The following ADK variants were observed in gnomAD, a reference collection of about 807,000 sequenced individuals.
ADK encodes the protein adenosine kinase.
A neutral mutation model predicts 44.7 loss-of-function variants in ADK; 24 were observed. The observed-to-expected ratio is 0.54, with a 90% confidence interval of 0.39 to 0.76. The LOEUF (loss-of-function observed/expected upper bound fraction) is 0.76. Ranked by LOEUF, ADK falls within the 30% of genes least tolerant of loss-of-function variation. The pLI is 0.00. For synonymous variants in ADK, 128 were observed against 142.6 expected (o/e 0.90, Z 0.73); for missense variants, 321 against 425.1 (o/e 0.76, Z 2.15).
chr10:74,559,963 G>C (rs888772608), intron 7 of ADK, among the ~76,000 whole-genome samples: 1 of 150,350 alleles, frequency 6.7e-6, no homozygotes, highest in African/African-American at 2.5e-5. Flanking sequence ...ATCTTGCTTT[G>C]TCGTGCAGGC....
At chr10:74,315,757 A>G (rs941728413) in intron 4 of ADK, among the ~76,000 whole-genome samples, 1 of 152,252 alleles carries the variant, frequency 6.6e-6, no homozygotes, top group Non-Finnish European at 1.5e-5. Context: ...TGAGACATAT[A>G]GTATGATTAT....
intron 3 of ADK, among the ~76,000 whole-genome samples, chr10:74,240,394 G>GTGTGTGTGTGTC (rs1845163512): frequency 1.4e-5 from 2 of 147,986 alleles, no homozygotes; most frequent in Non-Finnish European, 2.9e-5. Context: ...GTGTGTGTGT[G>GTGTGTGTGTGTC]TGTGTGTCTG....
At chr10:74,500,368 A>G (rs758623179) in intron 6 of ADK, among the ~76,000 whole-genome samples, 2 of 152,196 alleles carry the variant, frequency 1.3e-5, no homozygotes, top group Non-Finnish European at 2.9e-5. Flanking sequence ...TGGATGGATA[A>G]AAATCATAAG....
At chr10:74,430,889 T>C (rs1016201603) in intron 6 of ADK, among the ~76,000 whole-genome samples, 3 of 150,256 alleles carry the variant, frequency 2.0e-5, no homozygotes, top group African/African-American at 7.3e-5. Context: ...AGGAGATGAG[T>C]TCTACAAGGC....
chr10:74,473,407 A>G lies in ADK; in HGVS notation c.556-51849A>G, dbSNP rs527351687. On this transcript the variant is annotated intron_variant, in intron 6 of 10. Coordinates refer to ENST00000539909, the MANE Select transcript of ADK (RefSeq NM_006721.4). ...AATTAACATTGGTACAATACCATTA[A>G]CTAAACTACAGGTTTATTTTCCCAG... Among the ~76,000 whole-genome samples the G allele has an allele frequency of 2.6e-5, 4 of 152,330 alleles. No individual in the cohort carries two copies. The South Asian group carries it at 8.3e-4, about 32-fold the overall frequency.
chr10:74,298,056 G>C (rs1839880195), intron 3 of ADK, among the ~76,000 whole-genome samples: 2 of 152,180 alleles, frequency 1.3e-5, no homozygotes, highest in African/African-American at 4.8e-5. Context: ...TTAAAGCACA[G>C]TGGACTGGGG....
intron 6 of ADK, among the ~76,000 whole-genome samples, chr10:74,495,216 A>G (rs1156822447): frequency 6.6e-6 from 1 of 152,122 alleles, no homozygotes; most frequent in Non-Finnish European, 1.5e-5. Flanking sequence ...ACAATAAGTC[A>G]GTTCTGTGAA....
intron 5 of ADK, among the ~76,000 whole-genome samples, 162 bp from the exon 6 acceptor site, chr10:74,398,304 TCAAAA>T (rs949121840): frequency 1.5e-4 from 23 of 152,044 alleles, no homozygotes; most frequent in Non-Finnish European, 1.6e-4. Flanking sequence ...CAGAAAGTTC[TCAAAA>T]CAAAATTATT....
chr10:74,535,580 ATTTT>A (rs748264198), intron 7 of ADK, among the ~76,000 whole-genome samples: 2 of 129,508 alleles, frequency 1.5e-5, no homozygotes. Context: ...TTTTGACCCT[ATTTT>A]TTTTTTTTTT....
chr10:74,341,515 G>A (rs764699536), intron 4 of ADK, among the ~76,000 whole-genome samples: 9 of 144,356 alleles, frequency 6.2e-5, no homozygotes, highest in Non-Finnish European at 9.0e-5. Context: ...CAACAAGAGC[G>A]AGACTCCGTC....
chr10:74,518,063 A>T (rs954129685), intron 6 of ADK, among the ~76,000 whole-genome samples: 8 of 152,228 alleles, frequency 5.3e-5, no homozygotes, highest in African/African-American at 1.9e-4. Context: ...TTCTTGGAGT[A>T]GTCCCACAAA....
In ADK at chr10:74,243,347, G is replaced by A. The variant is rs139955830; in HGVS notation, c.194+18756G>A. Among the ~76,000 whole-genome samples, 331 of 152,268 alleles carry A rather than the reference G, an allele frequency of 2.2e-3. 2 individuals are homozygous for A. The highest frequency in any genetic ancestry group is 7.5e-3 in the African/African-American group (313 of 41,532). ...GCGTGAGTAAACTGTCGCCCTTGTT[G>A]CAAGTCCAATGAAGGGACCAAGAAA... On this transcript the variant is annotated intron_variant, in intron 3 of 10. Transcript: ENST00000539909.
chr10:74,208,634 AC>A (rs566735390), intron 2 of ADK, among the ~76,000 whole-genome samples: 60 of 152,274 alleles, frequency 3.9e-4, no homozygotes, highest in African/African-American at 1.4e-3. Context: ...TTAAAAACTT[AC>A]CTTATGATAT....
chr10:74,573,960 G>A (rs1280494570), intron 7 of ADK, among the ~76,000 whole-genome samples: 2 of 152,124 alleles, frequency 1.3e-5, no homozygotes, highest in East Asian at 1.9e-4. Context: ...TGCGCTTCCC[G>A]AGTGAGGCAA....
At chr10:74,554,806 T>C (rs1008230910) in intron 7 of ADK, among the ~76,000 whole-genome samples, 3 of 151,566 alleles carry the variant, frequency 2.0e-5, no homozygotes, top group South Asian at 4.2e-4. Flanking sequence ...AAAATTGTTG[T>C]AGTGAAGCAG....
chr10:74,704,293 G>A (rs897854502), intron 10 of ADK, among the ~76,000 whole-genome samples: 9 of 152,106 alleles, frequency 5.9e-5, no homozygotes, highest in African/African-American at 2.2e-4. Flanking sequence ...TGTACTTAAT[G>A]TCACTGAATT....
intron 7 of ADK, among the ~76,000 whole-genome samples, chr10:74,540,548 C>G (rs1373336200): frequency 3.9e-5 from 6 of 152,038 alleles, no homozygotes; most frequent in Admixed American, 3.3e-4. Flanking sequence ...CAAACTCCAC[C>G]TCCCAGGTTC....
chr10:74,538,753 G>T (rs1200741473), intron 7 of ADK, among the ~76,000 whole-genome samples: 1 of 152,078 alleles, frequency 6.6e-6, no homozygotes, highest in Non-Finnish European at 1.5e-5. Context: ...ACTGCCATGG[G>T]GATGGGAAGA....
chr10:74,522,514 G>A (rs1848875825), intron 6 of ADK, among the ~76,000 whole-genome samples: 1 of 152,080 alleles, frequency 6.6e-6, no homozygotes, highest in Admixed American at 6.5e-5. Flanking sequence ...CTCAGAATAT[G>A]TATAAAGGCA....
Sources: allele counts gnomAD v4.1 joint callset (sites outside exome capture counted in the v4.1 genomes callset), GRCh38; gene constraint gnomAD v4.1.1; transcripts MANE v1.5; gene names NCBI Gene and HGNC (gene_info 2026-07-23, HGNC 2026-07-21).